PHF21B: variants seen among roughly 807,000 people sequenced by gnomAD.
PHF21B encodes the protein PHD finger protein 21B.
In PHF21B, 22 loss-of-function variants were observed where a neutral mutation model predicts 62.2. That is an observed-to-expected ratio of 0.35 (90% confidence interval 0.25 to 0.51). The LOEUF is 0.51. PHF21B is among the 20% of genes least tolerant of loss of function. PHF21B has a pLI of 0.97. For synonymous variants in PHF21B, 341 were observed against 314.7 expected (o/e 1.08, Z -0.88); for missense variants, 701 against 707.9 (o/e 0.99, Z 0.11).
At position 44,896,076 on chromosome 22, in the gene PHF21B, G is replaced by T; in HGVS notation, c.839C>A (p.Ala280Asp). Reference sequence around the variant, plus strand: ...AACCAGGCCTAGCGCTACCATGAAGGCGATTTTCTGAGGGAAGGAACAGAC... The same window carrying T: ...AACCAGGCCTAGCGCTACCATGAAGTCGATTTTCTGAGGGAAGGAACAGAC... Reference protein sequence around the residue: ...PPTQENPEKIAFMVALGLVTT... With the variant: ...PPTQENPEKIDFMVALGLVTT... Residue 280 changes from alanine (A) to aspartate (D), a missense_variant, in exon 6 of 13, where the codon GCC becomes GAC. By Grantham distance (126) the Ala-to-Asp change is moderately radical (BLOSUM62 -2). Coordinates refer to ENST00000313237, the MANE Select transcript of PHF21B (RefSeq NM_138415.5). The T allele has an allele frequency of 6.2e-7, 1 of 1,614,114 alleles. No homozygotes were observed. The highest frequency in any genetic ancestry group is 1.1e-5 in the South Asian group (1 of 91,086).
intron 5 of PHF21B, among the ~76,000 whole-genome samples, chr22:44,898,900 T>C (rs1181444025): frequency 6.6e-6 from 1 of 152,226 alleles, no homozygotes; most frequent in Admixed American, 6.5e-5. Context: ...CATCTTCCCG[T>C]GTTTCACTGA....
At chr22:44,908,862 A>G (rs58756368) in intron 5 of PHF21B, among the ~76,000 whole-genome samples, 9,060 of 152,256 alleles carry the variant, frequency 0.06, 322 homozygotes, top group South Asian at 0.092. Flanking sequence ...CAGTGGTGCA[A>G]TCTTGGCTCA....
chr22:44,896,863 G>T (rs1315723601), intron 5 of PHF21B, among the ~76,000 whole-genome samples: 3 of 113,666 alleles, frequency 2.6e-5, no homozygotes, highest in Non-Finnish European at 3.7e-5. Context: ...GAAACAGGGT[G>T]GCACTTAGTT....
rs2073379699 is a variant in PHF21B, at chr22:45,009,114, C to A, written c.54+382G>T. On this transcript the variant is annotated intron_variant, in intron 1 of 12. Transcript: ENST00000313237. The surrounding 1 kb of genome is among the most constrained non-coding windows in gnomAD (Gnocchi z 5.9). ...GCCAAAACTACTTCTGCACACCGGG[C>A]AGGTTCGCCCGGGGCGCGGGGGCCC... is the stretch of plus-strand genomic sequence containing the variant. The A allele has an allele frequency of 1.1e-6, 1 of 939,184 alleles. No homozygotes were observed. The highest frequency in any genetic ancestry group is 4.4e-5 in the South Asian group (1 of 22,592). 58.2% of individuals were successfully genotyped at this position (939,184 alleles called of 1,614,324 possible). A position where few individuals can be genotyped will look rare whatever the true frequency, so the allele number is the denominator to read the frequency against.
At chr22:44,918,998 T>TCTGGTCTCTCC (rs937564554) in intron 3 of PHF21B, among the ~76,000 whole-genome samples, 2 of 152,240 alleles carry the variant, frequency 1.3e-5, no homozygotes, top group Non-Finnish European at 2.9e-5. Flanking sequence ...GTGCTTTGAC[T>TCTGGTCTCTCC]CTGGTCTCTC....
chr22:44,891,168 C>T (rs1451058359), intron 8 of PHF21B, 138 bp downstream of exon 8: 12 of 909,750 alleles, frequency 1.3e-5, no homozygotes, highest in Non-Finnish European at 2.0e-5. Context: ...CTCAGCACAG[C>T]ATCCTCACCT....
intron 8 of PHF21B, 36 bp from the exon 9 acceptor site, chr22:44,889,818 G>A: frequency 6.5e-7 from 1 of 1,539,386 alleles, no homozygotes; most frequent in Non-Finnish European, 8.7e-7. Context: ...ACACGTTAGT[G>A]GCCGTCAGAG....
At chr22:44,951,024 G>A (rs184135012) in intron 2 of PHF21B, among the ~76,000 whole-genome samples, 1 of 152,258 alleles carries the variant, frequency 6.6e-6, no homozygotes, top group African/African-American at 2.4e-5. Context: ...CGTAAAGCCT[G>A]CCGCCAGACG....
chr22:44,933,524 G>C (rs1449788554), intron 2 of PHF21B: 2 of 985,378 alleles, frequency 2.0e-6, no homozygotes, highest in Non-Finnish European at 2.4e-6. Flanking sequence ...GCGATCTGGG[G>C]AAACAGACCA....
At chr22:44,951,355 T>C (rs2072190702) in intron 2 of PHF21B, among the ~76,000 whole-genome samples, 1 of 152,150 alleles carries the variant, frequency 6.6e-6, no homozygotes, top group East Asian at 1.9e-4. Context: ...CTGCTGCTAA[T>C]CTGACAGGAG....
intron 2 of PHF21B, among the ~76,000 whole-genome samples, chr22:44,940,385 C>T (rs1006562920): frequency 6.6e-6 from 1 of 152,244 alleles, no homozygotes; most frequent in Non-Finnish European, 1.5e-5. Context: ...ATCACAGGCA[C>T]CCCTTGTCCA....
Position 44,977,777 on chromosome 22 carries a change from G to T in PHF21B, c.120+30768C>A, listed in dbSNP as rs868452159. Among the ~76,000 whole-genome samples the T allele has an allele frequency of 9.6e-4, 144 of 150,472 alleles. 2 individuals are homozygous for T. Among genetic ancestry groups the T allele is most frequent in the African/African-American group, 3.5e-3 (143 of 40,880 alleles). On this transcript the variant is annotated intron_variant, in intron 2 of 12. Transcript: ENST00000313237. ...ATTTTTTTTTTTTTTTGTAGAGATGGAGTTTTACCATGTTGCCCAGGCTGA... is the reference window on the plus strand; with the variant it reads ...ATTTTTTTTTTTTTTTGTAGAGATGTAGTTTTACCATGTTGCCCAGGCTGA...
chr22:44,958,059 T>C (rs2072337656), intron 2 of PHF21B, among the ~76,000 whole-genome samples: 1 of 152,078 alleles, frequency 6.6e-6, no homozygotes, highest in South Asian at 2.1e-4. Context: ...TGTGCTATCA[T>C]GCCTGGCTAA....
intron 5 of PHF21B, among the ~76,000 whole-genome samples, chr22:44,903,749 C>T (rs1040288823): frequency 5.3e-5 from 8 of 152,186 alleles, no homozygotes; most frequent in Admixed American, 1.3e-4. Flanking sequence ...CACTTAAGTT[C>T]GTGACTGTTA....
At chr22:44,884,072 C>T (rs2070790693) in intron 12 of PHF21B, among the ~76,000 whole-genome samples, 1 of 149,022 alleles carries the variant, frequency 6.7e-6, no homozygotes, top group Non-Finnish European at 1.5e-5. Context: ...CCACCATGAT[C>T]ACCATTATCA....
At chr22:44,952,394 T>C (rs1385511806) in intron 2 of PHF21B, among the ~76,000 whole-genome samples, 1 of 152,164 alleles carries the variant, frequency 6.6e-6, no homozygotes, top group African/African-American at 2.4e-5. Flanking sequence ...AGAGAAACTG[T>C]TCAGTTCACT....
At chr22:44,959,335 G>A (rs899462994) in intron 2 of PHF21B, among the ~76,000 whole-genome samples, 12 of 152,276 alleles carry the variant, frequency 7.9e-5, no homozygotes, top group East Asian at 3.9e-4. Flanking sequence ...CCTTAACTAC[G>A]GGACTTATCA....
chr22:44,990,384 A>G (rs2073023562), intron 2 of PHF21B, among the ~76,000 whole-genome samples: 1 of 151,956 alleles, frequency 6.6e-6, no homozygotes, highest in Admixed American at 6.6e-5. Context: ...AGCTTTATTC[A>G]CAACAGCCAA....
At chr22:44,909,047 C>G (rs1023289984) in intron 5 of PHF21B, among the ~76,000 whole-genome samples, 1 of 152,174 alleles carries the variant, frequency 6.6e-6, no homozygotes, top group East Asian at 1.9e-4. Flanking sequence ...ACCCGCCCAC[C>G]TTGGCCTCCC....
Sources: allele counts gnomAD v4.1 joint callset (sites outside exome capture counted in the v4.1 genomes callset), GRCh38; gene constraint gnomAD v4.1.1; non-coding constraint Gnocchi (gnomAD v3.1); transcripts MANE v1.5; gene names NCBI Gene and HGNC (gene_info 2026-07-23, HGNC 2026-07-21).